SLC36A1: variants seen among roughly 807,000 people sequenced by gnomAD.
The protein encoded by SLC36A1 is solute carrier family 36 member 1, also known as proton-coupled amino acid transporter 1.
SLC36A1 carries 30 observed loss-of-function variants against 47.5 expected under a neutral mutation model. The ratio of observed to expected loss-of-function variants is 0.63; its 90% confidence interval spans 0.47 to 0.86. The LOEUF is 0.86. Among genes scored for constraint, SLC36A1 ranks in the 40% least tolerant of loss-of-function variants. The pLI, the probability that SLC36A1 is intolerant of heterozygous loss-of-function variation, is 0.00. For missense variants in SLC36A1, 517 were observed against 606.0 expected, an observed-to-expected ratio of 0.85 and a Z score of 1.54; for synonymous variants, 255 against 249.7, an observed-to-expected ratio of 1.02 and a Z score of -0.20.
the SLC36A1 span, chr5:151,531,735 G>A: frequency 5.6e-6 from 9 of 1,613,832 alleles, no homozygotes; most frequent in South Asian, 7.7e-5. The surrounding 1 kb of genome is among the most constrained non-coding windows in gnomAD (Gnocchi z 5.7). Flanking sequence ...CGCTGTGCTC[G>A]GTGTTCAGGA....
At chr5:151,360,798 G>A in the SLC36A1 span, among the ~76,000 whole-genome samples, 2 of 152,284 alleles carry the variant, frequency 1.3e-5, no homozygotes, top group African/African-American at 4.8e-5. Flanking sequence ...TGACACTGCT[G>A]CTGCTTCTTC....
chr5:151,365,885 G>C, the SLC36A1 span, among the ~76,000 whole-genome samples: 1 of 152,116 alleles, frequency 6.6e-6, no homozygotes, highest in African/African-American at 2.4e-5. Flanking sequence ...TCCATTGGTG[G>C]TGCCTCCTGG....
chr5:151,390,323 T>A, the SLC36A1 span, among the ~76,000 whole-genome samples: 1 of 152,156 alleles, frequency 6.6e-6, no homozygotes, highest in African/African-American at 2.4e-5. Context: ...GTCAGATGAG[T>A]AGATTGCAAA....
the SLC36A1 span, among the ~76,000 whole-genome samples, chr5:151,406,169 T>C: frequency 6.6e-6 from 1 of 152,190 alleles, no homozygotes; most frequent in East Asian, 1.9e-4. Context: ...TTTGCACAGC[T>C]TCCTCTCTTG....
the SLC36A1 span, among the ~76,000 whole-genome samples, chr5:151,370,684 A>G: frequency 1.3e-5 from 2 of 152,166 alleles, no homozygotes; most frequent in Admixed American, 6.5e-5. Context: ...CTTGCTTGTG[A>G]CCACTATCTG....
the SLC36A1 span, chr5:151,528,208 T>C: frequency 6.4e-7 from 1 of 1,559,330 alleles, no homozygotes; most frequent in Non-Finnish European, 8.7e-7. Flanking sequence ...GAAACAGATA[T>C]GTCCCTGCCC....
upstream of SLC36A1, among the ~76,000 whole-genome samples, chr5:151,443,715 G>A (rs1752760578): frequency 6.6e-6 from 1 of 152,008 alleles, no homozygotes. Flanking sequence ...TGAGCTTTTG[G>A]TCTGATATCC....
chr5:151,480,286 T>C (rs1375974926), intron 10 of SLC36A1: 1 of 433,000 alleles, frequency 2.3e-6, no homozygotes, highest in African/African-American at 2.1e-5. Flanking sequence ...TATTTGGCTT[T>C]TTTTTCTCTT....
At chr5:151,473,545 T>C in intron 7 of SLC36A1, 128 bp from the exon 8 acceptor site, 1 of 658,708 alleles carries the variant, frequency 1.5e-6, no homozygotes, top group Non-Finnish European at 2.7e-6. Flanking sequence ...TGTCAGGTAT[T>C]AGACTTTCTT....
intron 1 of SLC36A1, among the ~76,000 whole-genome samples, chr5:151,454,950 T>G (rs1754274223): frequency 6.6e-6 from 1 of 152,122 alleles, no homozygotes; most frequent in South Asian, 2.1e-4. Context: ...AGGTGGAACC[T>G]TCTCAGTGCT....
rs1328737980 is a variant in SLC36A1 at position 151,491,886 on chromosome 5, G to A, written c.*3632G>A. 6.6e-6 allele frequency: 1 copy of A among 152,280 alleles called. No individual in the cohort carries two copies. Among genetic ancestry groups the A allele is most frequent in the Non-Finnish European group, 1.5e-5 (1 of 68,072 alleles). 9.4% of individuals were successfully genotyped at this position (152,280 alleles called of 1,614,324 possible). A position where few individuals can be genotyped will look rare whatever the true frequency, so the allele number is the denominator to read the frequency against. On this transcript the variant is annotated 3_prime_UTR_variant, in exon 11 of 11. Transcript: ENST00000243389. ...GGTGTGGTTTGTCTTTGAAATTACG[G>A]TTAATACTTTTAGACAGTAAGTCCG...
the SLC36A1 span, among the ~76,000 whole-genome samples, chr5:151,368,253 T>A: frequency 6.6e-6 from 1 of 152,202 alleles, no homozygotes; most frequent in Non-Finnish European, 1.5e-5. Context: ...TCATCAATCA[T>A]AAACTGTGCT....
chr5:151,463,173 C>A (rs1004240585), intron 2 of SLC36A1, among the ~76,000 whole-genome samples: 2 of 152,188 alleles, frequency 1.3e-5, no homozygotes, highest in Admixed American at 6.5e-5. Flanking sequence ...CTGTGCCTGG[C>A]CAGGTCTGAG....
downstream of SLC36A1, among the ~76,000 whole-genome samples, chr5:151,495,458 T>C (rs1306676230): frequency 1.3e-5 from 2 of 152,228 alleles, no homozygotes; most frequent in African/African-American, 4.8e-5. Flanking sequence ...TAGTACATTA[T>C]TGAAACCAGG....
intron 10 of SLC36A1, among the ~76,000 whole-genome samples, chr5:151,487,293 C>T (rs1225606002): frequency 1.3e-5 from 2 of 152,180 alleles, no homozygotes; most frequent in Non-Finnish European, 2.9e-5. Flanking sequence ...GCACGGAAGC[C>T]GATGGCACCT....
chr5:151,372,055 C>G, the SLC36A1 span, among the ~76,000 whole-genome samples: 2 of 152,204 alleles, frequency 1.3e-5, no homozygotes, highest in African/African-American at 4.8e-5. Context: ...ACTCCCATCT[C>G]TGGCAATGTT....
chr5:151,545,967 A>C, the SLC36A1 span: 1 of 1,614,140 alleles, frequency 6.2e-7, no homozygotes, highest in Non-Finnish European at 8.5e-7. Context: ...AGATTTTCTC[A>C]TGGTCCAATT....
chr5:151,496,292 T>C (rs1256467366), downstream of SLC36A1, among the ~76,000 whole-genome samples: 1 of 152,204 alleles, frequency 6.6e-6, no homozygotes, highest in Non-Finnish European at 1.5e-5. Context: ...GCCGCGATTG[T>C]GAGGCCTCCT....
At chr5:151,544,746 G>A in the SLC36A1 span, 7 of 1,614,076 alleles carry the variant, frequency 4.3e-6, no homozygotes, top group Non-Finnish European at 5.9e-6. Context: ...AGGGTTTCTT[G>A]AGTGATATGT....
Sources: gnomAD v4.1 joint callset for allele counts (sites outside exome capture counted in the v4.1 genomes callset) on GRCh38, gnomAD v4.1.1 for gene constraint, Gnocchi (gnomAD v3.1) non-coding constraint, MANE v1.5 for transcripts, NCBI Gene and HGNC (gene_info 2026-07-23, HGNC 2026-07-21) for gene names.